FRMD4A: variants seen among roughly 807,000 people sequenced by gnomAD.
FRMD4A encodes FERM domain-containing protein 4A.
FRMD4A carries 29 observed loss-of-function variants against 129.1 expected under a neutral mutation model. The observed-to-expected ratio is 0.22, with a 90% CI of 0.17 to 0.31. The LOEUF (loss-of-function observed/expected upper bound fraction) is 0.31, where lower values mean the gene tolerates loss of function less well. FRMD4A is among the 10% of genes least tolerant of loss of function. FRMD4A has a pLI of 1.00. For missense variants in FRMD4A, 1,272 were observed against 1,375.8 expected (o/e 0.92, Z 1.19); for synonymous variants, 634 against 571.6 (o/e 1.11, Z -1.56).
intron 2 of FRMD4A, among the ~76,000 whole-genome samples, chr10:14,200,921 C>A (rs1274100858): frequency 6.6e-6 from 1 of 152,202 alleles, no homozygotes; most frequent in Non-Finnish European, 1.5e-5. Context: ...CCCCATGAAG[C>A]CATTCTGGCT....
At chr10:13,863,364 C>G (rs923089348) in intron 2 of FRMD4A, among the ~76,000 whole-genome samples, 1 of 151,938 alleles carries the variant, frequency 6.6e-6, no homozygotes, top group East Asian at 1.9e-4. Flanking sequence ...GGTGGATTGC[C>G]TCAGCTCAGG....
At chr10:14,270,299 A>T (rs1845121208) in intron 2 of FRMD4A, among the ~76,000 whole-genome samples, 2 of 152,174 alleles carry the variant, frequency 1.3e-5, no homozygotes, top group Non-Finnish European at 2.9e-5. Flanking sequence ...CTCTCCCTAA[A>T]TAGTTATCAT....
chr10:14,081,197 G>A (rs1483164356), intron 2 of FRMD4A, among the ~76,000 whole-genome samples: 2 of 152,128 alleles, frequency 1.3e-5, no homozygotes, highest in African/African-American at 4.8e-5. Flanking sequence ...GTACTGAGTG[G>A]CGTTTCTGAT....
chr10:14,100,050 C>A (rs979975018), intron 2 of FRMD4A, among the ~76,000 whole-genome samples: 2 of 152,220 alleles, frequency 1.3e-5, no homozygotes, highest in African/African-American at 2.4e-5. Context: ...TTTTCACCCC[C>A]ACGTGCCAGA....
At chr10:14,158,314 GA>G (rs1840701612) in intron 2 of FRMD4A, among the ~76,000 whole-genome samples, 1 of 152,160 alleles carries the variant, frequency 6.6e-6, no homozygotes, top group Admixed American at 6.5e-5. Context: ...AATTCAGTCA[GA>G]AGATAGCCTC....
chr10:14,010,442 A>G lies in FRMD4A; in HGVS notation c.46-151530T>C, dbSNP rs187706463. Among the ~76,000 whole-genome samples, 20 of 152,252 alleles carry G rather than the reference A, an allele frequency of 1.3e-4. No individual in the cohort carries two copies. In the East Asian group the frequency reaches 2.1e-3, roughly 16 times the overall value. ...CACACATCTGAGTCTCACACATTCC[A>G]CATCCTTCCCTTGGGAGGCGGGGAG... On this transcript the variant is annotated intron_variant, in intron 2 of 24. Transcript: ENST00000357447.
intron 2 of FRMD4A, among the ~76,000 whole-genome samples, chr10:13,958,266 A>G (rs996468538): frequency 1.3e-5 from 2 of 149,814 alleles, no homozygotes; most frequent in Non-Finnish European, 2.9e-5. Flanking sequence ...CGCGTGAACA[A>G]CAGCCATGAC....
intron 2 of FRMD4A, among the ~76,000 whole-genome samples, chr10:13,953,784 G>GTA (rs1202490672): frequency 1.3e-5 from 2 of 152,296 alleles, no homozygotes; most frequent in African/African-American, 4.8e-5. Context: ...CCAAAGTAAT[G>GTA]TATATATAGT....
At position 13,719,437 on chromosome 10, in the gene FRMD4A, T is replaced by C. The variant is rs141792528; in HGVS notation, c.760-12324A>G. ...TTGCCTAGAAATTGCCTCTGTCTGC[T>C]TGAGGTGGTCAAGAATGACCCCAGG... On this transcript the variant is annotated intron_variant, in intron 12 of 24. Coordinates refer to ENST00000357447, the MANE Select transcript of FRMD4A (RefSeq NM_018027.5). Among the ~76,000 whole-genome samples the C allele has an allele frequency of 3.4e-3, 522 of 152,114 alleles. 13 individuals are homozygous for C. Among genetic ancestry groups the C allele is most frequent in the East Asian group, 0.022 (113 of 5,142 alleles).
At chr10:14,048,885 T>C (rs1458823756) in intron 2 of FRMD4A, among the ~76,000 whole-genome samples, 1 of 92,832 alleles carries the variant, frequency 1.1e-5, no homozygotes, top group Middle Eastern at 5.4e-3. Flanking sequence ...TAGAATAGAA[T>C]AGAATAGAAT....
intron 2 of FRMD4A, among the ~76,000 whole-genome samples, chr10:13,970,738 GC>G (rs2095512873): frequency 6.6e-6 from 1 of 152,170 alleles, no homozygotes; most frequent in African/African-American, 2.4e-5. Context: ...GTCCTCTCAG[GC>G]GGGGCTGGGG....
intron 2 of FRMD4A, among the ~76,000 whole-genome samples, chr10:14,328,138 C>T (rs1474608206): frequency 6.6e-6 from 1 of 152,038 alleles, no homozygotes; most frequent in African/African-American, 2.4e-5. Flanking sequence ...CATGGTACTC[C>T]AGGGTTCTTT....
intron 2 of FRMD4A, among the ~76,000 whole-genome samples, chr10:14,244,438 A>G (rs1844161432): frequency 6.6e-6 from 1 of 152,236 alleles, no homozygotes; most frequent in Admixed American, 6.5e-5. Flanking sequence ...CCAGCAATCT[A>G]TGCGGATTAC....
chr10:13,872,583 G>T (rs933569800), intron 2 of FRMD4A, among the ~76,000 whole-genome samples: 1 of 152,242 alleles, frequency 6.6e-6, no homozygotes, highest in African/African-American at 2.4e-5. Context: ...TCACGCAGAC[G>T]TTCTGCAAGG....
At chr10:14,221,345 A>G (rs1843253397) in intron 2 of FRMD4A, among the ~76,000 whole-genome samples, 1 of 152,242 alleles carries the variant, frequency 6.6e-6, no homozygotes, top group East Asian at 1.9e-4. Context: ...AGCCAAGGGG[A>G]GAGCATTGGT....
At chr10:13,849,575 C>T (rs1475172780) in intron 3 of FRMD4A, among the ~76,000 whole-genome samples, 8 of 151,254 alleles carry the variant, frequency 5.3e-5, no homozygotes, top group Admixed American at 1.3e-4. Context: ...CCATCTCCCA[C>T]GTTCAAGGGA....
intron 3 of FRMD4A, among the ~76,000 whole-genome samples, chr10:13,820,039 A>G (rs1234102691): frequency 1.3e-5 from 2 of 152,080 alleles, no homozygotes; most frequent in Non-Finnish European, 2.9e-5. Context: ...TTTTTTAAAA[A>G]CAGACATACA....
chr10:13,811,699 GAAC>G (rs2093449328), intron 3 of FRMD4A, among the ~76,000 whole-genome samples: 1 of 152,042 alleles, frequency 6.6e-6, no homozygotes, highest in Non-Finnish European at 1.5e-5. Context: ...AGTGACCACA[GAAC>G]ACCAGGCACT....
chr10:14,049,724 G>A (rs1032522087), intron 2 of FRMD4A, among the ~76,000 whole-genome samples: 2 of 152,006 alleles, frequency 1.3e-5, no homozygotes, highest in African/African-American at 4.8e-5. Context: ...GCATGGTGGC[G>A]CTCGCCTAGA....
Sources: gnomAD v4.1 joint callset for allele counts (sites outside exome capture counted in the v4.1 genomes callset) on GRCh38, gnomAD v4.1.1 for gene constraint, MANE v1.5 for transcripts, NCBI Gene and HGNC (gene_info 2026-07-23, HGNC 2026-07-21) for gene names.